The following PIGM variants were observed in gnomAD, a reference collection of about 807,000 sequenced individuals.
The protein encoded by PIGM is GPI alpha-1,4-mannosyltransferase I, catalytic subunit.
In PIGM, 7 loss-of-function variants were observed where a neutral mutation model predicts 14.6. The ratio of observed to expected loss-of-function variants is 0.48; its 90% CI spans 0.27 to 0.90. The LOEUF (loss-of-function observed/expected upper bound fraction) is 0.90, where lower values mean the gene tolerates loss of function less well. Among genes scored for constraint, PIGM ranks in the 40% least tolerant of loss-of-function variants. The pLI is 0.12. For missense variants in PIGM, 506 were observed against 516.2 expected (o/e 0.98, Z 0.19); for synonymous variants, 216 against 215.9 (o/e 1.00, Z 0.00).
rs775770288 is a variant in PIGM at position 160,030,709 on chromosome 1, G to C, written c.1031C>G (p.Pro344Arg). 1.9e-6 allele frequency: 3 copies of C among 1,614,094 alleles called. No homozygotes were observed. The South Asian group carries it at 3.3e-5, about 18-fold the overall frequency. Residue 344 changes from proline (P) to arginine (R), a missense_variant, in exon 1 of 1, where the codon CCT (proline) becomes CGT (arginine). Transcript: ENST00000368090. ...CATTCTGACTAGTGGCATCACAAGAGGCAGTAAGCAGAGGTACCAAAGAAA... is the reference window on the plus strand; with the variant it reads ...CATTCTGACTAGTGGCATCACAAGACGCAGTAAGCAGAGGTACCAAAGAAA... ...QYFLWYLCLLPLVMPLVRMPW... is the reference protein window; with the variant it reads ...QYFLWYLCLLRLVMPLVRMPW...
Position 160,031,850 on chromosome 1 carries a change from C to A in PIGM, c.-111G>T. The A allele has an allele frequency of 2.3e-6, 3 of 1,305,444 alleles. No homozygotes were observed. Among genetic ancestry groups the A allele is most frequent in the Admixed American group, 1.9e-5 (1 of 53,200 alleles). 80.9% of individuals were successfully genotyped at this position (1,305,444 alleles called of 1,614,324 possible). On this transcript the variant is annotated 5_prime_UTR_variant, in exon 1 of 1. Coordinates refer to ENST00000368090, the MANE Select transcript of PIGM (RefSeq NM_145167.3). The stretch of plus-strand genomic sequence containing the variant: ...GCCGCCGCATCTCCCACCCGCCAGG[C>A]TGCCAACCGAAACGACTGCAGACTA...
rs1017890823 is a variant in PIGM at position 160,031,732 on chromosome 1, G to A, written c.8C>T (p.Ser3Phe). The change falls in exon 1 of 1, where the codon TCC (serine) becomes TTC (phenylalanine). Residue 3 changes from serine (S) to phenylalanine (F), a missense_variant. By Grantham distance (155) the Ser-to-Phe change is radical. Coordinates refer to ENST00000368090, the MANE Select transcript of PIGM (RefSeq NM_145167.3). MG[S>F]TKHWGEWLLN... ...GAGCCATTCGCCCCAGTGCTTGGTG[G>A]AGCCCATGATCTGACCGTGCGACAG... 14 of 1,614,012 alleles carry A rather than the reference G, an allele frequency of 8.7e-6. No individual in the cohort carries two copies. The African/African-American group carries it at 1.7e-4, about 20-fold the overall frequency.
rs1475373701 is a variant in PIGM, at chr1:160,026,356, A to C, written c.*4112T>G. 1 of 152,240 alleles carries C rather than the reference A, an allele frequency of 6.6e-6. No homozygotes were observed. Among genetic ancestry groups the C allele is most frequent in the Non-Finnish European group, 1.5e-5 (1 of 68,028 alleles). 9.4% of individuals were successfully genotyped at this position (152,240 alleles called of 1,614,324 possible). A position where few individuals can be genotyped will look rare whatever the true frequency, so the allele number is the denominator to read the frequency against. On this transcript the variant is annotated 3_prime_UTR_variant, in exon 1 of 1. Transcript: ENST00000368090. ...ATGTTAAATCATAATAGATAGCAGAATTATGGTTTTGTAAGAAAATACCTG... is the reference window on the plus strand; with the variant it reads ...ATGTTAAATCATAATAGATAGCAGACTTATGGTTTTGTAAGAAAATACCTG...
chr1:160,031,305 A>T lies in PIGM; in HGVS notation c.435T>A (p.Asn145Lys). 1 of 1,614,012 alleles carries T rather than the reference A, an allele frequency of 6.2e-7. No individual in the cohort carries two copies. The highest frequency in any genetic ancestry group is 8.5e-7 in the Non-Finnish European group (1 of 1,179,966). Residue 145 changes from asparagine to lysine, a missense_variant, in exon 1 of 1, where the codon AAT becomes AAA. Transcript: ENST00000368090. ...PLPMAVSSRG[N>K]ADSIVASLVL... ...CCAGGGAGGCGACAATAGAGTCCGC[A>T]TTACCGCGGCTGGATACTGCCATAG...
rs1395093501 is a variant in PIGM, at chr1:160,030,862, G to A, written c.878C>T (p.Ala293Val). Residue 293 changes from alanine (A) to valine (V), a missense_variant, in exon 1 of 1, where the codon GCT becomes GTT. Ala to Val is a moderately conservative substitution (Grantham distance 64). Coordinates refer to ENST00000368090, the MANE Select transcript of PIGM (RefSeq NM_145167.3). ...ESKWSFSLGIAAFLPQLILLS... is the reference protein window; with the variant it reads ...ESKWSFSLGIVAFLPQLILLS... ...CAAGATGAGCTGTGGCAGGAATGCA[G>A]CAATTCCCAGGGAAAAACTCCACTT... 2 of 1,614,242 alleles carry A rather than the reference G, an allele frequency of 1.2e-6. No individual in the cohort carries two copies. Among genetic ancestry groups the A allele is most frequent in the Non-Finnish European group, 1.7e-6 (2 of 1,180,034 alleles).
At position 160,028,752 on chromosome 1, in the gene PIGM, G is replaced by C. The variant is rs531452470; in HGVS notation, c.*1716C>G. On this transcript the variant is annotated 3_prime_UTR_variant, in exon 1 of 1. Transcript: ENST00000368090. ...ATCATATTCATATACTGCTACTGTA[G>C]TATTAGGGAATCCCAAGCCTAGACA... The C allele has an allele frequency of 6.6e-6, 1 of 151,030 alleles. No individual in the cohort carries two copies. Among genetic ancestry groups the C allele is most frequent in the African/African-American group, 2.4e-5 (1 of 40,924 alleles). 9.4% of individuals were successfully genotyped at this position (151,030 alleles called of 1,614,324 possible). A position where few individuals can be genotyped will look rare whatever the true frequency, so the allele number is the denominator to read the frequency against.
In PIGM at chr1:160,029,364, A is replaced by C. The variant is rs972459450; in HGVS notation, c.*1104T>G. The C allele has an allele frequency of 1.3e-4, 19 of 151,832 alleles. No homozygotes were observed. The highest frequency in any genetic ancestry group is 2.2e-4 in the Non-Finnish European group (15 of 67,966). The allele number at this position is 151,832 out of a possible 1,614,324, so 9.4% of individuals were successfully genotyped here. Reference sequence around the variant, plus strand: ...GTAAGTAATAAAACAAATACATGAAACATGATTACAATTTAAATTCTTTGG... The same window carrying C: ...GTAAGTAATAAAACAAATACATGAACCATGATTACAATTTAAATTCTTTGG... On this transcript the variant is annotated 3_prime_UTR_variant, in exon 1 of 1. Transcript: ENST00000368090.
In PIGM at chr1:160,029,169, G is replaced by A. The variant is rs1030012598; in HGVS notation, c.*1299C>T. 2.6e-5 allele frequency: 4 copies of A among 152,168 alleles called. No homozygotes were observed. Among genetic ancestry groups the A allele is most frequent in the African/African-American group, 7.2e-5 (3 of 41,444 alleles). 9.4% of individuals were successfully genotyped at this position (152,168 alleles called of 1,614,324 possible). A position where few individuals can be genotyped will look rare whatever the true frequency, so the allele number is the denominator to read the frequency against. On this transcript the variant is annotated 3_prime_UTR_variant, in exon 1 of 1. Transcript: ENST00000368090. Reference sequence around the variant, plus strand: ...CAAAAACTTAAAAACAAAGGGGTAAGAGGATACTGAAATGTACTAATAGTT... The same window carrying A: ...CAAAAACTTAAAAACAAAGGGGTAAAAGGATACTGAAATGTACTAATAGTT...
At position 160,031,790 on chromosome 1, in the gene PIGM, C is replaced by T. The variant is rs777384873; in HGVS notation, c.-51G>A. The stretch of plus-strand genomic sequence containing the variant: ...GCCCCAGCTCCAAACTGCCTTCGTA[C>T]TTCTAACCTTCCCTTCGGTTCTTTG... On this transcript the variant is annotated 5_prime_UTR_variant, in exon 1 of 1. Coordinates refer to ENST00000368090, the MANE Select transcript of PIGM (RefSeq NM_145167.3). 4 of 1,607,606 alleles carry T rather than the reference C, an allele frequency of 2.5e-6. No individual in the cohort carries two copies. Among genetic ancestry groups the T allele is most frequent in the Non-Finnish European group, 3.4e-6 (4 of 1,175,132 alleles).
chr1:160,027,741 A>C lies in PIGM; in HGVS notation c.*2727T>G, dbSNP rs944619504. On this transcript the variant is annotated 3_prime_UTR_variant, in exon 1 of 1. Transcript: ENST00000368090. ...AAAGGATTGTGATAAGAAGCAAAAA[A>C]AAAACATTTTTTTTACATAACCAGA... 3.3e-5 allele frequency: 5 copies of C among 152,142 alleles called. No individual in the cohort carries two copies. Among genetic ancestry groups the C allele is most frequent in the South Asian group, 2.1e-4 (1 of 4,836 alleles). 9.4% of individuals were successfully genotyped at this position (152,142 alleles called of 1,614,324 possible). A position where few individuals can be genotyped will look rare whatever the true frequency, so the allele number is the denominator to read the frequency against.
chr1:160,029,565 T>C lies in PIGM; in HGVS notation c.*903A>G, dbSNP rs1393354891. On this transcript the variant is annotated 3_prime_UTR_variant, in exon 1 of 1. Transcript: ENST00000368090. ...CAGGCACCCACCACGCCCGGCTAAT[T>C]TTTTGTATTTTTAGTAGAGAGGGGT... 1 of 151,334 alleles carries C rather than the reference T, an allele frequency of 6.6e-6. No homozygotes were observed. Among genetic ancestry groups the C allele is most frequent in the African/African-American group, 2.4e-5 (1 of 41,166 alleles). The allele number at this position is 151,334 out of a possible 1,614,324, so 9.4% of individuals were successfully genotyped here. A position where few individuals can be genotyped will look rare whatever the true frequency, so the allele number is the denominator to read the frequency against.
chr1:160,030,364 C>G lies in PIGM; in HGVS notation c.*104G>C. ...AGTTCTGTTGGAACATGGGAACTTT[C>G]ACTAGAATGCTTAGAATGTTCAGAA... is the stretch of plus-strand genomic sequence containing the variant. On this transcript the variant is annotated 3_prime_UTR_variant, in exon 1 of 1. Coordinates refer to ENST00000368090, the MANE Select transcript of PIGM (RefSeq NM_145167.3). 8.1e-7 allele frequency: 1 copy of G among 1,232,948 alleles called. No homozygotes were observed. The highest frequency in any genetic ancestry group is 1.2e-6 in the Non-Finnish European group (1 of 841,830). 76.4% of individuals were successfully genotyped at this position (1,232,948 alleles called of 1,614,324 possible).
rs978846115 is a variant in PIGM, at chr1:160,030,347, T to G, written c.*121A>C. The stretch of plus-strand genomic sequence containing the variant: ...GGCAAACATTGCTTTTAAGTTCTGT[T>G]GGAACATGGGAACTTTCACTAGAAT... On this transcript the variant is annotated 3_prime_UTR_variant, in exon 1 of 1. Coordinates refer to ENST00000368090, the MANE Select transcript of PIGM (RefSeq NM_145167.3). 1 of 1,069,874 alleles carries G rather than the reference T, an allele frequency of 9.3e-7. No homozygotes were observed. The highest frequency in any genetic ancestry group is 1.3e-5 in the South Asian group (1 of 78,012). 66.3% of individuals were successfully genotyped at this position (1,069,874 alleles called of 1,614,324 possible).
At position 160,031,740 on chromosome 1, in the gene PIGM, G is replaced by A. The variant is rs761856724; in HGVS notation, c.-1C>T. On this transcript the variant is annotated 5_prime_UTR_variant, in exon 1 of 1. Transcript: ENST00000368090. Reference sequence around the variant, plus strand: ...CGCCCCAGTGCTTGGTGGAGCCCATGATCTGACCGTGCGACAGCTGCTTAG... The same window carrying A: ...CGCCCCAGTGCTTGGTGGAGCCCATAATCTGACCGTGCGACAGCTGCTTAG... The A allele has an allele frequency of 6.2e-7, 1 of 1,613,974 alleles. No homozygotes were observed. The highest frequency in any genetic ancestry group is 8.5e-7 in the Non-Finnish European group (1 of 1,180,026).
rs1648226247 is a variant in PIGM, at chr1:160,028,105, A to G, written c.*2363T>C. The G allele has an allele frequency of 6.6e-6, 1 of 152,336 alleles. No individual in the cohort carries two copies. Among genetic ancestry groups the G allele is most frequent in the Admixed American group, 6.5e-5 (1 of 15,302 alleles). 9.4% of individuals were successfully genotyped at this position (152,336 alleles called of 1,614,324 possible). ...TGATGTATTTATAATGTGAATATAC[A>G]TGTGATGTCCAACAATTTCAATTCT... On this transcript the variant is annotated 3_prime_UTR_variant, in exon 1 of 1. Transcript: ENST00000368090.
In PIGM at chr1:160,031,508, G is replaced by C. The variant is rs768409208; in HGVS notation, c.232C>G (p.Pro78Ala). The C allele has an allele frequency of 6.2e-7, 1 of 1,614,076 alleles. No individual in the cohort carries two copies. Among genetic ancestry groups the C allele is most frequent in the Admixed American group, 1.7e-5 (1 of 60,010 alleles). The change falls in exon 1 of 1, where the codon CCG (proline) becomes GCG (alanine). Residue 78 changes from proline (P) to alanine (A), a missense_variant. Coordinates refer to ENST00000368090, the MANE Select transcript of PIGM (RefSeq NM_145167.3). Reference sequence around the variant, plus strand: ...GGAGTGAGGAGCCAACCCAGCAGCGGGGTGTAACGGTACGTGGCTCTCAGG... The same window carrying C: ...GGAGTGAGGAGCCAACCCAGCAGCGCGGTGTAACGGTACGTGGCTCTCAGG... ...PYLRATYRYT[P>A]LLGWLLTPNI...
In PIGM at chr1:160,030,482, TTCTC is replaced by T. The variant is rs755366154; in HGVS notation, c.1254_1257del (p.Arg419SerfsTer81). ...TGGAACATACACTAGTCATATTTGA[TTCTC>T]TCTGTCAGGGGTTCTTCTTTGTAAT... On this transcript the variant is annotated frameshift_variant, in exon 1 of 1. Transcript: ENST00000368090. LOFTEE classifies it high-confidence loss of function. The T allele has an allele frequency of 1.1e-4, 185 of 1,611,590 alleles. No individual in the cohort carries two copies. Among genetic ancestry groups the T allele is most frequent in the Non-Finnish European group, 1.5e-4 (174 of 1,177,832 alleles).
rs1181816490 is a variant in PIGM at position 160,031,844 on chromosome 1, G to A, written c.-105C>T. On this transcript the variant is annotated 5_prime_UTR_variant, in exon 1 of 1. Transcript: ENST00000368090. ...CAGGTGGCCGCCGCATCTCCCACCC[G>A]CCAGGCTGCCAACCGAAACGACTGC... 1.5e-6 allele frequency: 2 copies of A among 1,343,764 alleles called. No homozygotes were observed. Among genetic ancestry groups the A allele is most frequent in the Non-Finnish European group, 2.1e-6 (2 of 950,086 alleles). 83.2% of individuals were successfully genotyped at this position (1,343,764 alleles called of 1,614,324 possible). A position where few individuals can be genotyped will look rare whatever the true frequency, so the allele number is the denominator to read the frequency against.
In PIGM at chr1:160,030,263, A is replaced by G. The variant is rs1311587317; in HGVS notation, c.*205T>C. The G allele has an allele frequency of 1.8e-6, 1 of 543,980 alleles. No homozygotes were observed. Among genetic ancestry groups the G allele is most frequent in the Non-Finnish European group, 3.3e-6 (1 of 303,782 alleles). The allele number at this position is 543,980 out of a possible 1,614,324, so 33.7% of individuals were successfully genotyped here. A position where few individuals can be genotyped will look rare whatever the true frequency, so the allele number is the denominator to read the frequency against. ...TTTATTCCCACCATGTCCCAAATAAACGAGTCCTAGGATTTCCTAGAAGGT... is the reference window on the plus strand; with the variant it reads ...TTTATTCCCACCATGTCCCAAATAAGCGAGTCCTAGGATTTCCTAGAAGGT... On this transcript the variant is annotated 3_prime_UTR_variant, in exon 1 of 1. Transcript: ENST00000368090.
Sources: gnomAD v4.1 joint callset for allele counts on GRCh38, gnomAD v4.1.1 for gene constraint, MANE v1.5 for transcripts, NCBI Gene and HGNC (gene_info 2026-07-23, HGNC 2026-07-21) for gene names.